Variants in GLCCI1 observed in about 807,000 individuals in gnomAD.
The protein encoded by GLCCI1 is glucocorticoid-induced transcript 1 protein.
GLCCI1 carries 24 observed loss-of-function variants against 52.2 expected under a neutral mutation model. The observed-to-expected ratio is 0.46, with a 90% CI of 0.33 to 0.65. The LOEUF is 0.65. Among genes scored for constraint, GLCCI1 ranks in the 30% least tolerant of loss-of-function variants. GLCCI1 has a pLI of 0.02. For synonymous variants in GLCCI1, 310 were observed against 276.5 expected (o/e 1.12, Z -1.20); for missense variants, 704 against 701.5 (o/e 1.00, Z -0.04).
chr7:8,044,148 T>C (rs1380090833), intron 3 of GLCCI1, among the ~76,000 whole-genome samples: 5 of 151,934 alleles, frequency 3.3e-5, no homozygotes, highest in East Asian at 3.9e-4. Context: ...GGTTTCACCA[T>C]GTTAGCCAGG....
intron 1 of GLCCI1, among the ~76,000 whole-genome samples, chr7:7,973,627 T>C (rs1780400565): frequency 6.6e-6 from 1 of 152,112 alleles, no homozygotes; most frequent in Admixed American, 6.5e-5. Context: ...TAGTTCCTGA[T>C]TTAACATATC....
chr7:8,057,991 T>C (rs6969971), intron 4 of GLCCI1, among the ~76,000 whole-genome samples: 4,467 of 152,236 alleles, frequency 0.029, 209 homozygotes, highest in African/African-American at 0.095. Flanking sequence ...ATGAAACAAA[T>C]TGGTAAATGT....
chr7:8,068,651 C>T (rs1181126028), intron 5 of GLCCI1, among the ~76,000 whole-genome samples: 139 of 152,238 alleles, frequency 9.1e-4, no homozygotes, highest in African/African-American at 3.2e-3. Context: ...GCCATTCCAA[C>T]CTGTTTAAGA....
chr7:8,053,266 T>TA (rs768378327), intron 3 of GLCCI1, among the ~76,000 whole-genome samples: 10 of 151,772 alleles, frequency 6.6e-5, no homozygotes, highest in Non-Finnish European at 1.5e-4. Context: ...CAGGATCACT[T>TA]ACTTATTTCC....
chr7:8,043,445 C>T (rs1388176751), intron 3 of GLCCI1, among the ~76,000 whole-genome samples: 5 of 152,030 alleles, frequency 3.3e-5, no homozygotes, highest in Non-Finnish European at 7.4e-5. Flanking sequence ...ACATAGCTTG[C>T]CAATCCTTGC....
chr7:8,011,977 A>C (rs147455256), intron 2 of GLCCI1, among the ~76,000 whole-genome samples: 9 of 151,574 alleles, frequency 5.9e-5, no homozygotes, highest in Admixed American at 6.6e-5. Flanking sequence ...CACCACGCCC[A>C]GCTAATTTTT....
chr7:7,990,458 T>A (rs1344363066), intron 1 of GLCCI1, among the ~76,000 whole-genome samples: 1 of 152,082 alleles, frequency 6.6e-6, no homozygotes, highest in Non-Finnish European at 1.5e-5. Context: ...TCCTCCAATA[T>A]GTTATGACAC....
chr7:8,039,842 C>T (rs1254625290), intron 3 of GLCCI1, among the ~76,000 whole-genome samples: 3 of 151,836 alleles, frequency 2.0e-5, no homozygotes, highest in African/African-American at 7.3e-5. Flanking sequence ...ACTAAAAATA[C>T]AAAAATTAGC....
At chr7:8,002,786 A>G (rs919835295) in intron 1 of GLCCI1, among the ~76,000 whole-genome samples, 3 of 152,230 alleles carry the variant, frequency 2.0e-5, no homozygotes, top group African/African-American at 7.2e-5. Context: ...TAAATTATTT[A>G]GGATAGATAT....
At chr7:7,976,505 G>GAAAAAAAAAAAAAAAAAAAAAAAAAA (rs1562413230) in intron 1 of GLCCI1, among the ~76,000 whole-genome samples, 1 of 87,570 alleles carries the variant, frequency 1.1e-5, no homozygotes, top group African/African-American at 5.0e-5. Flanking sequence ...AAAAGGAAAG[G>GAAAAAAAAAAAAAAAAAAAAAAAAAA]AAAAAGGAAA....
At chr7:8,017,875 G>A (rs1238840647) in intron 2 of GLCCI1, among the ~76,000 whole-genome samples, 1 of 152,068 alleles carries the variant, frequency 6.6e-6, no homozygotes, top group Admixed American at 6.6e-5. Flanking sequence ...CTTTTGTGCT[G>A]CTTTGTAATA....
chr7:7,985,101 A>G (rs1157103203), intron 1 of GLCCI1, among the ~76,000 whole-genome samples: 3 of 152,224 alleles, frequency 2.0e-5, no homozygotes, highest in Non-Finnish European at 4.4e-5. Flanking sequence ...GTAAGTAAGC[A>G]TAATTAGACT....
chr7:8,082,823 T>C (rs893202351), intron 6 of GLCCI1, among the ~76,000 whole-genome samples: 2 of 152,214 alleles, frequency 1.3e-5, no homozygotes, highest in Admixed American at 1.3e-4. Context: ...GCAGATAGAT[T>C]AGCCAACTCA....
At chr7:8,029,403 A>G (rs1781697441) in intron 3 of GLCCI1, among the ~76,000 whole-genome samples, 1 of 152,198 alleles carries the variant, frequency 6.6e-6, no homozygotes, top group Non-Finnish European at 1.5e-5. Context: ...GCATCTCTTC[A>G]TGTCAAAAAC....
chr7:7,998,859 G>T (rs981529544), intron 1 of GLCCI1, among the ~76,000 whole-genome samples: 2 of 152,074 alleles, frequency 1.3e-5, no homozygotes, highest in African/African-American at 4.8e-5. Flanking sequence ...AGCTTTTAAT[G>T]TCTCTAAATA....
At chr7:8,026,192 A>G (rs1781616299) in intron 3 of GLCCI1, among the ~76,000 whole-genome samples, 1 of 152,238 alleles carries the variant, frequency 6.6e-6, no homozygotes, top group Non-Finnish European at 1.5e-5. Flanking sequence ...ATTGTGATAT[A>G]GATTGTGATA....
At chr7:8,027,684 G>T (rs558819380) in intron 3 of GLCCI1, among the ~76,000 whole-genome samples, 1 of 139,542 alleles carries the variant, frequency 7.2e-6, no homozygotes, top group South Asian at 2.3e-4. Context: ...CTGAATGGAT[G>T]AAAAAAAAAA....
Position 8,047,472 on chromosome 7 carries a change from C to T in GLCCI1, c.697-7961C>T, listed in dbSNP as rs377208903. ...ATGAATACTTACCACTTTTTACAACCGTTAATTTGCACCCATTTAGTTGAG... is the reference window on the plus strand; with the variant it reads ...ATGAATACTTACCACTTTTTACAACTGTTAATTTGCACCCATTTAGTTGAG... On this transcript the variant is annotated intron_variant, in intron 3 of 7. Transcript: ENST00000223145. Among the ~76,000 whole-genome samples, 3 of 152,242 alleles carry T rather than the reference C, an allele frequency of 2.0e-5. No homozygotes were observed. The East Asian group carries it at 5.8e-4, about 29-fold the overall frequency.
At chr7:7,992,181 A>G (rs1780855639) in intron 1 of GLCCI1, among the ~76,000 whole-genome samples, 1 of 150,500 alleles carries the variant, frequency 6.6e-6, no homozygotes, top group Non-Finnish European at 1.5e-5. Context: ...ACATTTAGTT[A>G]TCAGACATTC....
Sources: gnomAD v4.1 joint callset for allele counts (sites outside exome capture counted in the v4.1 genomes callset) on GRCh38, gnomAD v4.1.1 for gene constraint, MANE v1.5 for transcripts, NCBI Gene and HGNC (gene_info 2026-07-23, HGNC 2026-07-21) for gene names.